TAMM41: variants seen among roughly 807,000 people sequenced by gnomAD.
The protein encoded by TAMM41 is phosphatidate cytidylyltransferase, mitochondrial.
Under a neutral mutation model 44.1 loss-of-function variants are expected in TAMM41, and 36 were observed. The ratio of observed to expected loss-of-function variants is 0.82; its 90% CI spans 0.63 to 1.08. The LOEUF (loss-of-function observed/expected upper bound fraction) is 1.08, where lower values mean the gene tolerates loss of function less well. Ranked by LOEUF, TAMM41 falls within the 50% of genes least tolerant of loss-of-function variation. The pLI is 0.00. For missense variants in TAMM41, 417 were observed against 404.3 expected, an observed-to-expected ratio of 1.03 and a Z score of -0.27; for synonymous variants, 164 against 153.1, an observed-to-expected ratio of 1.07 and a Z score of -0.53.
At chr3:11,834,339 C>G (rs1383087016) in intron 3 of TAMM41, among the ~76,000 whole-genome samples, 1 of 151,998 alleles carries the variant, frequency 6.6e-6, no homozygotes, top group African/African-American at 2.4e-5. Flanking sequence ...GCAAAAAAAC[C>G]ACTGCATGTC....
the TAMM41 span, among the ~76,000 whole-genome samples, chr3:11,749,511 A>G: frequency 6.6e-6 from 1 of 152,334 alleles, no homozygotes; most frequent in Non-Finnish European, 1.5e-5. Flanking sequence ...AAGCCAGTCC[A>G]TTGTTTAGTA....
At chr3:11,832,301 A>G (rs1469882962) in intron 3 of TAMM41, among the ~76,000 whole-genome samples, 1 of 152,034 alleles carries the variant, frequency 6.6e-6, no homozygotes, top group Non-Finnish European at 1.5e-5. Context: ...AAAAATCCAC[A>G]AAGTTCCAAA....
intron 4 of TAMM41, among the ~76,000 whole-genome samples, chr3:11,821,298 G>A (rs1032073997): frequency 2.0e-5 from 3 of 152,232 alleles, no homozygotes; most frequent in Non-Finnish European, 4.4e-5. Context: ...TGTAGAATCA[G>A]TGGGAGTCCT....
At chr3:11,807,432 G>T in intron 7 of TAMM41, 1 of 1,529,672 alleles carries the variant, frequency 6.5e-7, no homozygotes, top group South Asian at 1.2e-5. Flanking sequence ...AGAAATGGCA[G>T]TAACAACAAA....
chr3:11,796,626 T>A (rs1448535478), intron 7 of TAMM41, among the ~76,000 whole-genome samples: 1 of 152,136 alleles, frequency 6.6e-6, no homozygotes, highest in Non-Finnish European at 1.5e-5. Flanking sequence ...GGTTTTCTCA[T>A]CCTACAGATG....
Position 11,818,973 on chromosome 3 carries a change from G to A in TAMM41, c.563-1636C>T, listed in dbSNP as rs1199480957. Among the ~76,000 whole-genome samples the A allele has an allele frequency of 2.0e-5, 3 of 151,924 alleles. No homozygotes were observed. In the East Asian group the frequency reaches 5.8e-4, roughly 29 times the overall value. ...GTACAGGGGGTCTGACTGTTCAGGT[G>A]AGTGAGCAGAAGCGAGTCCCAGTCC... On this transcript the variant is annotated intron_variant, in intron 4 of 7. Transcript: ENST00000455809.
At chr3:11,814,244 AG>A (rs896968241) in intron 5 of TAMM41, among the ~76,000 whole-genome samples, 1 of 152,164 alleles carries the variant, frequency 6.6e-6, no homozygotes, top group African/African-American at 2.4e-5. Flanking sequence ...ATTTGAAAAA[AG>A]CTTCTAACAT....
At chr3:11,820,137 T>C (rs1006448759) in intron 4 of TAMM41, among the ~76,000 whole-genome samples, 6 of 152,162 alleles carry the variant, frequency 3.9e-5, no homozygotes, top group African/African-American at 1.4e-4. Flanking sequence ...GTGAATGGAG[T>C]GGTGGCTGAG....
intron 7 of TAMM41, among the ~76,000 whole-genome samples, chr3:11,803,357 C>T (rs1192102081): frequency 6.6e-6 from 1 of 151,998 alleles, no homozygotes; most frequent in Non-Finnish European, 1.5e-5. Context: ...ATACTCCAGC[C>T]TGAGCAACAG....
At chr3:11,726,468 G>A in the TAMM41 span, among the ~76,000 whole-genome samples, 3 of 152,176 alleles carry the variant, frequency 2.0e-5, no homozygotes, top group African/African-American at 4.8e-5. Context: ...ACAAAGTGTC[G>A]AGATTGATTA....
intron 5 of TAMM41, among the ~76,000 whole-genome samples, chr3:11,811,848 T>C (rs2078096219): frequency 6.6e-6 from 1 of 152,216 alleles, no homozygotes; most frequent in Non-Finnish European, 1.5e-5. Flanking sequence ...TACATTGTGG[T>C]GATGGCTGTG....
chr3:11,797,120 A>G (rs1315890308), intron 7 of TAMM41, among the ~76,000 whole-genome samples: 1 of 152,206 alleles, frequency 6.6e-6, no homozygotes, highest in Non-Finnish European at 1.5e-5. Context: ...TACCAATGAC[A>G]TTCTTCACAG....
chr3:11,835,890 T>A (rs2079151611), intron 3 of TAMM41, among the ~76,000 whole-genome samples: 1 of 152,104 alleles, frequency 6.6e-6, no homozygotes, highest in Non-Finnish European at 1.5e-5. Flanking sequence ...GGTCACAACA[T>A]TAGGAAGCAT....
chr3:11,773,767 T>C, the TAMM41 span, among the ~76,000 whole-genome samples: 3 of 152,178 alleles, frequency 2.0e-5, no homozygotes, highest in Non-Finnish European at 4.4e-5. Flanking sequence ...ATGAGCTAAA[T>C]TGTGGTTCAT....
intron 3 of TAMM41, chr3:11,833,246 C>A (rs923349397): frequency 1.0e-6 from 1 of 1,000,298 alleles, no homozygotes; most frequent in Admixed American, 4.2e-5. Flanking sequence ...ATTAGCACGA[C>A]TGCCAGGGAG....
chr3:11,759,913 G>A, the TAMM41 span, among the ~76,000 whole-genome samples: 5 of 152,088 alleles, frequency 3.3e-5, 1 homozygote, highest in Admixed American at 2.6e-4. Flanking sequence ...GGCAGAGGTT[G>A]CAGTGAGCCG....
chr3:11,776,044 C>T, the TAMM41 span, among the ~76,000 whole-genome samples: 61 of 146,136 alleles, frequency 4.2e-4, no homozygotes, highest in Non-Finnish European at 4.2e-4. Context: ...GATGGAGTCT[C>T]GCTCTGTTGC....
At chr3:11,737,252 C>T in the TAMM41 span, among the ~76,000 whole-genome samples, 1 of 144,986 alleles carries the variant, frequency 6.9e-6, no homozygotes, top group Non-Finnish European at 1.5e-5. Context: ...ACCTGCCCCC[C>T]GCATTAAAGA....
At chr3:11,831,224 A>G (rs1369205412) in intron 3 of TAMM41, among the ~76,000 whole-genome samples, 1 of 152,200 alleles carries the variant, frequency 6.6e-6, no homozygotes, top group African/African-American at 2.4e-5. Flanking sequence ...GTATTATCGG[A>G]TGCAACTCCC....
Sources: gnomAD v4.1 joint callset for allele counts (sites outside exome capture counted in the v4.1 genomes callset) on GRCh38, gnomAD v4.1.1 for gene constraint, MANE v1.5 for transcripts, NCBI Gene and HGNC (gene_info 2026-07-23, HGNC 2026-07-21) for gene names.